The following ZMIZ1 variants were observed in gnomAD, a reference collection of about 807,000 sequenced individuals.
The protein encoded by ZMIZ1 is zinc finger MIZ-type containing 1, also known as zinc finger MIZ domain-containing protein 1.
In ZMIZ1, 17 loss-of-function variants were observed where a neutral mutation model predicts 113.9. That is an observed-to-expected ratio of 0.15 (90% CI 0.10 to 0.22). The LOEUF (loss-of-function observed/expected upper bound fraction) is 0.22, where lower values mean the gene tolerates loss of function less well. ZMIZ1 is among the 10% of genes least tolerant of loss of function. The pLI is 1.00. For missense variants in ZMIZ1, 1,059 were observed against 1,477.8 expected (o/e 0.72, Z 4.65); for synonymous variants, 607 against 603.1 (o/e 1.01, Z -0.09).
At chr10:79,199,933 T>TGTGTAGAAGGCAGAC (rs1177813005) in intron 4 of ZMIZ1, among the ~76,000 whole-genome samples, 1 of 152,028 alleles carries the variant, frequency 6.6e-6, no homozygotes, top group Non-Finnish European at 1.5e-5. Context: ...TCAACAAGCG[T>TGTGTAGAAGGCAGAC]GTGTAGAAGG....
At chr10:79,277,382 A>T in intron 8 of ZMIZ1, 57 bp downstream of exon 8, 1 of 1,511,412 alleles carries the variant, frequency 6.6e-7, no homozygotes, top group Non-Finnish European at 8.8e-7. Flanking sequence ...CTGGTCTCAG[A>T]TCTCCTTGGA....
At chr10:79,237,180 C>T (rs1849623428) in intron 7 of ZMIZ1, among the ~76,000 whole-genome samples, 1 of 152,134 alleles carries the variant, frequency 6.6e-6, no homozygotes. Context: ...AGAAGGGCAT[C>T]GAGGCTGGAC....
Position 79,293,496 on chromosome 10 carries a change from C to T in ZMIZ1, c.1073C>T (p.Ser358Leu), listed in dbSNP as rs1312526145. The change falls in exon 12 of 25, where the codon TCG becomes TTG. Residue 358 changes from serine (S) to leucine (L), a missense_variant. Around this residue, in one of 6 missense-constraint regions of ZMIZ1, gnomAD observed 83 missense variants for 103.7 expected, o/e 0.80. Coordinates refer to ENST00000334512, the MANE Select transcript of ZMIZ1 (RefSeq NM_020338.4). Reference sequence around the variant, plus strand: ...AGCATGGCGGCTGGCATGACGCCCTCGGGGATGAGCGGCCCTCCCATGGGC... The same window carrying T: ...AGCATGGCGGCTGGCATGACGCCCTTGGGGATGAGCGGCCCTCCCATGGGC... ...PASMAAGMTP[S>L]GMSGPPMGMN... The T allele has an allele frequency of 3.8e-6, 6 of 1,589,922 alleles. No individual in the cohort carries two copies. The highest frequency in any genetic ancestry group is 1.7e-4 in the Middle Eastern group (1 of 5,966).
chr10:79,130,419 T>C (rs1844707488), intron 2 of ZMIZ1, among the ~76,000 whole-genome samples: 1 of 152,106 alleles, frequency 6.6e-6, no homozygotes, highest in Non-Finnish European at 1.5e-5. Context: ...CCCTACCCAG[T>C]ATACAGGGCT....
rs1015000575 is a variant in ZMIZ1 at position 79,195,377 on chromosome 10, G to T, written c.-49-6207G>T. On this transcript the variant is annotated intron_variant, in intron 4 of 24. Transcript: ENST00000334512. Reference sequence around the variant, plus strand: ...CCAGGAGACATGGCGGGGGTCCTGAGCCGGGATGGGGGTAGCCTGCTTGGT... The same window carrying T: ...CCAGGAGACATGGCGGGGGTCCTGATCCGGGATGGGGGTAGCCTGCTTGGT... Among the ~76,000 whole-genome samples the T allele has an allele frequency of 2.6e-5, 4 of 152,220 alleles. No individual in the cohort carries two copies. In the East Asian group the frequency reaches 5.8e-4, roughly 22 times the overall value.
chr10:79,221,106 G>A (rs896454418), intron 7 of ZMIZ1, among the ~76,000 whole-genome samples: 6 of 152,168 alleles, frequency 3.9e-5, no homozygotes, highest in Non-Finnish European at 8.8e-5. Flanking sequence ...TCGCCCTGGC[G>A]CTGCATCCCC....
At chr10:79,172,049 C>G (rs550582457) in intron 4 of ZMIZ1, among the ~76,000 whole-genome samples, 1 of 152,148 alleles carries the variant, frequency 6.6e-6, no homozygotes, top group Non-Finnish European at 1.5e-5. Flanking sequence ...ACAGAGCAAC[C>G]GAGAGCTCAG....
chr10:79,163,869 C>T (rs1769762), intron 4 of ZMIZ1, among the ~76,000 whole-genome samples: 121,978 of 152,198 alleles, frequency 0.8, 49,353 homozygotes, highest in African/African-American at 0.89. Flanking sequence ...AGGGGAACCC[C>T]CTGCTAATTG....
chr10:79,301,048 G>A (rs1199932878), intron 17 of ZMIZ1, 106 bp downstream of exon 17: 27 of 1,472,770 alleles, frequency 1.8e-5, no homozygotes, highest in African/African-American at 2.8e-5. Context: ...TTGTCCCTGC[G>A]TCACCACCCC....
chr10:79,151,052 C>T (rs553314138), intron 3 of ZMIZ1, among the ~76,000 whole-genome samples: 3 of 151,970 alleles, frequency 2.0e-5, no homozygotes, highest in Non-Finnish European at 2.9e-5. Flanking sequence ...CAGGGCACCA[C>T]GGGGAAAGAC....
chr10:79,258,447 C>T (rs1007939974), intron 7 of ZMIZ1, among the ~76,000 whole-genome samples: 1 of 152,208 alleles, frequency 6.6e-6, no homozygotes, highest in Non-Finnish European at 1.5e-5. Context: ...AAACTCAACT[C>T]CTCAGTTGCA....
At position 79,298,537 on chromosome 10, in the gene ZMIZ1, G is replaced by A. The variant is rs201997438; in HGVS notation, c.1623G>A (p.Pro541=). The A allele has an allele frequency of 2.7e-4, 432 of 1,599,294 alleles. 1 individual carries two copies. Among genetic ancestry groups the A allele is most frequent in the Non-Finnish European group, 3.0e-4 (356 of 1,173,784 alleles). The stretch of plus-strand genomic sequence containing the variant: ...GCCAAGACGTCAAACCACCCTTCCC[G>A]CCTGACATCAAGCCAAATATGAGCG... The part of the protein sequence containing the change: ...SPSQDVKPPF[P]PDIKPNMSAL... The change falls in exon 15 of 25, where the codon CCG becomes CCA. Residue 541 remains proline (P), a synonymous_variant. Transcript: ENST00000334512.
rs1848962020 is a variant in ZMIZ1, at chr10:79,221,357, C to G, written c.280+5083C>G. Among the ~76,000 whole-genome samples, 3 of 152,202 alleles carry G rather than the reference C, an allele frequency of 2.0e-5. No individual in the cohort carries two copies. The South Asian group carries it at 6.2e-4, about 31-fold the overall frequency. ...TGCAGCAGCCGCCAGGCAGGCGGCT[C>G]CACGCGGCCCTGGACGCCCAGCCCC... On this transcript the variant is annotated intron_variant, in intron 7 of 24. Transcript: ENST00000334512.
At chr10:79,179,837 C>G (rs1847037764) in intron 4 of ZMIZ1, among the ~76,000 whole-genome samples, 1 of 152,252 alleles carries the variant, frequency 6.6e-6, no homozygotes, top group Non-Finnish European at 1.5e-5. Context: ...GCTGGCAAGG[C>G]CGAGGCAGGT....
At chr10:79,170,160 C>T (rs1031287490) in intron 4 of ZMIZ1, among the ~76,000 whole-genome samples, 1 of 152,168 alleles carries the variant, frequency 6.6e-6, no homozygotes, top group Non-Finnish European at 1.5e-5. Context: ...TAAACAGATG[C>T]CCCCAGAAAA....
chr10:79,298,943 C>A, intron 15 of ZMIZ1, 107 bp from the exon 16 acceptor site: 1 of 1,427,776 alleles, frequency 7.0e-7, no homozygotes, highest in South Asian at 1.4e-5. Context: ...TTACACACCC[C>A]TGCCTTCCTC....
intron 4 of ZMIZ1, among the ~76,000 whole-genome samples, chr10:79,179,808 A>G (rs1471223386): frequency 6.6e-6 from 1 of 152,262 alleles, no homozygotes; most frequent in African/African-American, 2.4e-5. Flanking sequence ...TCTCAGGCCC[A>G]CAAGGGGGCA....
At chr10:79,125,186 G>T (rs147051691) in intron 2 of ZMIZ1, among the ~76,000 whole-genome samples, 2 of 152,172 alleles carry the variant, frequency 1.3e-5, no homozygotes, top group Admixed American at 6.5e-5. Flanking sequence ...AAGATAAAGC[G>T]ACCGACGATG....
chr10:79,143,748 A>T (rs1845367229), intron 3 of ZMIZ1, among the ~76,000 whole-genome samples: 2 of 148,842 alleles, frequency 1.3e-5, no homozygotes, highest in Admixed American at 1.3e-4. Context: ...TGCCCTGAAC[A>T]AGGCCAGAGG....
Sources: gnomAD v4.1 joint callset for allele counts (sites outside exome capture counted in the v4.1 genomes callset) on GRCh38, gnomAD v4.1.1 for gene constraint, gnomAD v4.1.1 regional missense constraint, MANE v1.5 for transcripts, NCBI Gene and HGNC (gene_info 2026-07-23, HGNC 2026-07-21) for gene names.